Variants in SCARA5 observed in about 807,000 individuals in gnomAD.
SCARA5 encodes scavenger receptor class A, member 5 (putative).
In SCARA5, 45 loss-of-function variants were observed where a neutral mutation model predicts 46.3. The ratio of observed to expected loss-of-function variants is 0.97; its 90% confidence interval spans 0.76 to 1.24. The LOEUF is 1.24. SCARA5 is among the 50% of genes most tolerant of loss of function. SCARA5 has a pLI of 0.00. For missense variants in SCARA5, 680 were observed against 689.0 expected, an observed-to-expected ratio of 0.99 and a Z score of 0.15; for synonymous variants, 333 against 306.5, an observed-to-expected ratio of 1.09 and a Z score of -0.90.
chr8:27,984,852 T>TATCC (rs561960003), intron 2 of SCARA5, among the ~76,000 whole-genome samples: 13 of 147,596 alleles, frequency 8.8e-5, no homozygotes, highest in African/African-American at 2.3e-4. Flanking sequence ...TCCATCCAGC[T>TATCC]ATCCATCCAT....
intron 2 of SCARA5, among the ~76,000 whole-genome samples, chr8:27,967,515 C>T (rs1478996165): frequency 6.8e-6 from 1 of 147,890 alleles, no homozygotes. Context: ...TGGGTGGGGG[C>T]GGCGGGGGGA....
chr8:27,877,915 G>A (rs544320643), intron 8 of SCARA5, among the ~76,000 whole-genome samples: 1 of 152,380 alleles, frequency 6.6e-6, no homozygotes, highest in Non-Finnish European at 1.5e-5. Flanking sequence ...TTATGGGGAT[G>A]AAGAGGAAGG....
chr8:27,899,677 T>C (rs1807119845), intron 7 of SCARA5, among the ~76,000 whole-genome samples: 1 of 152,252 alleles, frequency 6.6e-6, no homozygotes, highest in African/African-American at 2.4e-5. Context: ...CCCTTGGTTA[T>C]CCCCACCTTC....
At chr8:27,879,213 A>G (rs1261854898) in intron 8 of SCARA5, among the ~76,000 whole-genome samples, 1 of 152,220 alleles carries the variant, frequency 6.6e-6, no homozygotes, top group Admixed American at 6.5e-5. Context: ...AGTGTTAACA[A>G]TAAAAACATA....
At chr8:27,906,563 G>T (rs1049714634) in intron 6 of SCARA5, among the ~76,000 whole-genome samples, 1 of 152,234 alleles carries the variant, frequency 6.6e-6, no homozygotes, top group African/African-American at 2.4e-5. Flanking sequence ...GCTTTCTCTG[G>T]TTACATCTCT....
chr8:27,967,922 G>C (rs763909350), intron 2 of SCARA5, among the ~76,000 whole-genome samples: 1 of 152,004 alleles, frequency 6.6e-6, no homozygotes, highest in Non-Finnish European at 1.5e-5. Context: ...GGAAAGGAAA[G>C]GAAAAAGGAA....
At chr8:27,898,818 G>C (rs922904716) in intron 7 of SCARA5, among the ~76,000 whole-genome samples, 3 of 152,168 alleles carry the variant, frequency 2.0e-5, no homozygotes, top group African/African-American at 7.2e-5. Flanking sequence ...ACAATGGCCA[G>C]TGATTTAATC....
intron 4 of SCARA5, among the ~76,000 whole-genome samples, chr8:27,915,401 G>A (rs903115399): frequency 2.0e-5 from 3 of 152,144 alleles, no homozygotes; most frequent in Non-Finnish European, 2.9e-5. Flanking sequence ...GGAGATATGA[G>A]AGCTTGGCTC....
chr8:27,873,468 C>T (rs1234824066), intron 8 of SCARA5, among the ~76,000 whole-genome samples: 2 of 152,138 alleles, frequency 1.3e-5, no homozygotes, highest in African/African-American at 4.8e-5. Context: ...ATGGCCGGTT[C>T]CTGCCTTAAC....
intron 3 of SCARA5, among the ~76,000 whole-genome samples, chr8:27,943,845 T>C (rs1807988929): frequency 6.6e-6 from 1 of 152,208 alleles, no homozygotes; most frequent in Non-Finnish European, 1.5e-5. Context: ...TGGCAATCAG[T>C]GTATTTACAC....
chr8:27,910,329 T>G (rs1230585654), intron 4 of SCARA5: 1 of 152,380 alleles, frequency 6.6e-6, no homozygotes, highest in East Asian at 1.9e-4. Flanking sequence ...TATGGTATTT[T>G]GTTGTGGCAG....
At chr8:27,895,454 G>A (rs1807048770) in intron 7 of SCARA5, among the ~76,000 whole-genome samples, 1 of 152,232 alleles carries the variant, frequency 6.6e-6, no homozygotes, top group South Asian at 2.1e-4. Flanking sequence ...TGGCCTGTGG[G>A]TGTGCTTTGT....
intron 3 of SCARA5, among the ~76,000 whole-genome samples, chr8:27,954,666 C>T (rs960189319): frequency 6.6e-6 from 1 of 152,120 alleles, no homozygotes; most frequent in Non-Finnish European, 1.5e-5. Flanking sequence ...TATACATATG[C>T]CATTTTCTTT....
intron 3 of SCARA5, among the ~76,000 whole-genome samples, chr8:27,946,334 A>T (rs973668774): frequency 6.6e-6 from 1 of 152,210 alleles, no homozygotes; most frequent in Non-Finnish European, 1.5e-5. Flanking sequence ...ACTTTAGAGG[A>T]GTGGAATTAT....
At chr8:27,932,265 C>A (rs1410701973) in intron 3 of SCARA5, among the ~76,000 whole-genome samples, 2 of 152,214 alleles carry the variant, frequency 1.3e-5, no homozygotes, top group Non-Finnish European at 1.5e-5. Context: ...CAGGTATGAG[C>A]CACCATGCCC....
At chr8:27,891,200 T>G (rs970024719) in intron 7 of SCARA5, among the ~76,000 whole-genome samples, 15 of 44,060 alleles carry the variant, frequency 3.4e-4, no homozygotes, top group African/African-American at 7.3e-4. Flanking sequence ...AATAGGTTTG[T>G]TTTTTTTTTG....
At position 27,879,573 on chromosome 8, in the gene SCARA5, C is replaced by A; in HGVS notation, c.1347G>T (p.Gly449=). The A allele has an allele frequency of 1.9e-6, 3 of 1,606,620 alleles. No homozygotes were observed. The highest frequency in any genetic ancestry group is 2.5e-6 in the Non-Finnish European group (3 of 1,179,892). Residue 449 remains glycine, a synonymous_variant, in exon 8 of 9, where the codon GGG becomes GGT. Coordinates refer to ENST00000354914, the MANE Select transcript of SCARA5 (RefSeq NM_173833.6). ...VEEVYRTARF[G]QGTGRIWMDD... is the part of the protein sequence containing the mutation. ...TTTGCCCTCAGAGCGCCTTACCTTGCCCGAATCGAGCTGTGCGGTACACCT... is the reference window on the plus strand; with the variant it reads ...TTTGCCCTCAGAGCGCCTTACCTTGACCGAATCGAGCTGTGCGGTACACCT...
intron 4 of SCARA5, among the ~76,000 whole-genome samples, chr8:27,911,167 A>C (rs2685349): frequency 0.56 from 84,687 of 151,716 alleles, 24,227 homozygotes; most frequent in Non-Finnish European, 0.63. Context: ...CCTTGCAAAA[A>C]CCTCTCTGAC....
rs751535317 is a variant in SCARA5 at position 27,870,338 on chromosome 8, T to G, written c.*1596A>C. 6.6e-6 allele frequency: 1 copy of G among 152,410 alleles called. No homozygotes were observed. Among genetic ancestry groups the G allele is most frequent in the Non-Finnish European group, 1.5e-5 (1 of 68,020 alleles). The allele number at this position is 152,410 out of a possible 1,614,324, so 9.4% of individuals were successfully genotyped here. Reference sequence around the variant, plus strand: ...CTCTGGCAAGGGATGCATGAGTACATGCGTGTTATGTAAACATAGCAATTG... The same window carrying G: ...CTCTGGCAAGGGATGCATGAGTACAGGCGTGTTATGTAAACATAGCAATTG... On this transcript the variant is annotated 3_prime_UTR_variant, in exon 9 of 9. Transcript: ENST00000354914.
Sources: gnomAD v4.1 joint callset for allele counts (sites outside exome capture counted in the v4.1 genomes callset) on GRCh38, gnomAD v4.1.1 for gene constraint, MANE v1.5 for transcripts, NCBI Gene and HGNC (gene_info 2026-07-23, HGNC 2026-07-21) for gene names.